The following XKR9 variants were observed in gnomAD, a reference collection of about 807,000 sequenced individuals.
XKR9 encodes the protein XK related 9.
A neutral mutation model predicts 32.0 loss-of-function variants in XKR9; 32 were observed. That is an observed-to-expected ratio of 1.00 (90% confidence interval 0.76 to 1.34). The LOEUF is 1.34. XKR9 is among the 40% of genes most tolerant of loss of function. The pLI is 0.00. For synonymous variants in XKR9, 168 were observed against 143.4 expected, an observed-to-expected ratio of 1.17 and a Z score of -1.22; for missense variants, 546 against 429.7, an observed-to-expected ratio of 1.27 and a Z score of -2.39.
chr8:70,745,976 G>A (rs1807052801), intron 2 of XKR9, among the ~76,000 whole-genome samples: 1 of 152,076 alleles, frequency 6.6e-6, no homozygotes, highest in Admixed American at 6.6e-5. Flanking sequence ...ACATATACAT[G>A]TCTTTGGGGT....
In XKR9 at chr8:70,776,919, T is replaced by TCTCTCTCTCTCTCTC. The variant is rs1466163794; in HGVS notation, n.353-12420_353-12419insCTCTCTCTCTCTCTC. On this transcript the variant is annotated intron_variant and non_coding_transcript_variant, in intron 2 of 3. Coordinates refer to the XKR9 transcript ENST00000520273. ...ACCTTGCATTTAGCAGGTTTTCTCT[T>TCTCTCTCTCTCTCTC]TCTTTCTCTCTCTCTCTCTCTCTCT... Among the ~76,000 whole-genome samples the TCTCTCTCTCTCTCTC allele has an allele frequency of 2.6e-3, 183 of 70,138 alleles. 16 individuals are homozygous for TCTCTCTCTCTCTCTC. The highest frequency in any genetic ancestry group is 3.6e-3 in the Non-Finnish European group (143 of 39,386). The allele number at this position is 70,138 out of a possible 152,430, so 46.0% of individuals were successfully genotyped here. A position where few individuals can be genotyped will look rare whatever the true frequency, so the allele number is the denominator to read the frequency against.
intron 2 of XKR9, among the ~76,000 whole-genome samples, chr8:70,759,901 G>C (rs963497157): frequency 6.6e-6 from 1 of 152,112 alleles, no homozygotes; most frequent in African/African-American, 2.4e-5. Flanking sequence ...CTCTATAAAT[G>C]AATCAAATTT....
chr8:70,837,912 GT>G, the XKR9 span, among the ~76,000 whole-genome samples: 1 of 152,006 alleles, frequency 6.6e-6, no homozygotes, highest in Non-Finnish European at 1.5e-5. Context: ...ATGTTTTGAG[GT>G]TTCTAAACAG....
the XKR9 span, among the ~76,000 whole-genome samples, chr8:70,870,634 T>G: frequency 6.6e-6 from 1 of 152,314 alleles, no homozygotes; most frequent in East Asian, 1.9e-4. Flanking sequence ...GATTCTCAGT[T>G]TACTCACTTG....
chr8:70,973,479 T>A, the XKR9 span, among the ~76,000 whole-genome samples: 1 of 152,200 alleles, frequency 6.6e-6, no homozygotes, highest in Non-Finnish European at 1.5e-5. Context: ...TGATCTTTGT[T>A]ATTTTTTTCT....
chr8:70,724,515 G>A (rs115475621), intron 4 of XKR9, among the ~76,000 whole-genome samples: 3,333 of 152,176 alleles, frequency 0.022, 137 homozygotes, highest in African/African-American at 0.076. Flanking sequence ...CAGGGCCCTG[G>A]TGGTGTAGGC....
At chr8:70,998,815 G>C in the XKR9 span, among the ~76,000 whole-genome samples, 2,576 of 152,282 alleles carry the variant, frequency 0.017, 61 homozygotes, top group African/African-American at 0.059. Flanking sequence ...TTGCTTGTGT[G>C]GTTTGAGAGG....
chr8:70,962,032 A>G, the XKR9 span, among the ~76,000 whole-genome samples: 9 of 152,182 alleles, frequency 5.9e-5, no homozygotes, highest in African/African-American at 2.2e-4. Flanking sequence ...CTGTCATGTT[A>G]TTAATCCCAA....
chr8:70,973,083 G>A, the XKR9 span, among the ~76,000 whole-genome samples: 1 of 152,012 alleles, frequency 6.6e-6, no homozygotes, highest in East Asian at 1.9e-4. Context: ...CTGTGAATCT[G>A]TCTGGTCCTG....
chr8:70,943,490 T>TA, the XKR9 span, among the ~76,000 whole-genome samples: 2 of 152,122 alleles, frequency 1.3e-5, no homozygotes, highest in African/African-American at 4.8e-5. Context: ...AGGTTTTTTT[T>TA]AAAAAAGGTA....
At position 70,692,808 on chromosome 8, in the gene XKR9, G is replaced by A. The variant is rs577865441; in HGVS notation, c.272+11478G>A. On this transcript the variant is annotated intron_variant, in intron 3 of 4. Coordinates refer to ENST00000408926, the MANE Select transcript of XKR9 (RefSeq NM_001011720.2). ...TTGGCCAGGGTGGTCTCAAACTCCC[G>A]ACCTCAGGTGATCTGCCCGCCATAG... Among the ~76,000 whole-genome samples the A allele has an allele frequency of 7.9e-5, 12 of 152,132 alleles. No homozygotes were observed. In the South Asian group the frequency reaches 2.3e-3, roughly 29 times the overall value.
At chr8:70,828,511 G>C in the XKR9 span, among the ~76,000 whole-genome samples, 1 of 151,932 alleles carries the variant, frequency 6.6e-6, no homozygotes, top group South Asian at 2.1e-4. Context: ...GGATCACGAG[G>C]TCAGGAGTTC....
the XKR9 span, among the ~76,000 whole-genome samples, chr8:70,879,023 A>T: frequency 6.6e-6 from 1 of 152,220 alleles, no homozygotes; most frequent in Non-Finnish European, 1.5e-5. Flanking sequence ...GCATAACTAC[A>T]TGGAAACTGA....
At chr8:71,031,192 T>A in the XKR9 span, among the ~76,000 whole-genome samples, 1 of 152,200 alleles carries the variant, frequency 6.6e-6, no homozygotes, top group Non-Finnish European at 1.5e-5. Flanking sequence ...ACTTACTATG[T>A]ATTTCATGTC....
the XKR9 span, among the ~76,000 whole-genome samples, chr8:70,812,057 A>G: frequency 7.9e-5 from 12 of 152,246 alleles, no homozygotes; most frequent in East Asian, 2.3e-3. Context: ...ATACTGGCAA[A>G]CCGAATCCAG....
At chr8:70,960,913 A>G in the XKR9 span, among the ~76,000 whole-genome samples, 7 of 152,000 alleles carry the variant, frequency 4.6e-5, no homozygotes, top group East Asian at 1.4e-3. Flanking sequence ...GGCACCGTGT[A>G]ATCTCCAGCA....
chr8:70,735,078 A>G lies in XKR9; in HGVS notation c.*654A>G, dbSNP rs1033176916. 6.6e-6 allele frequency: 1 copy of G among 152,154 alleles called. No individual in the cohort carries two copies. Among genetic ancestry groups the G allele is most frequent in the Non-Finnish European group, 1.5e-5 (1 of 68,024 alleles). The allele number at this position is 152,154 out of a possible 1,614,324, so 9.4% of individuals were successfully genotyped here. A position where few individuals can be genotyped will look rare whatever the true frequency, so the allele number is the denominator to read the frequency against. On this transcript the variant is annotated 3_prime_UTR_variant, in exon 5 of 5. Transcript: ENST00000408926. ...GCTAGAATAGTTGTATCTAAATCAT[A>G]TTTTAAAATTATTTTTATTTTTAAA...
chr8:70,813,386 G>A, the XKR9 span, among the ~76,000 whole-genome samples: 1 of 152,136 alleles, frequency 6.6e-6, no homozygotes, highest in Non-Finnish European at 1.5e-5. Flanking sequence ...CATGCGCAAG[G>A]TCTTCATGAA....
At chr8:70,849,405 C>A in the XKR9 span, among the ~76,000 whole-genome samples, 2 of 152,162 alleles carry the variant, frequency 1.3e-5, no homozygotes, top group African/African-American at 2.4e-5. Flanking sequence ...TAAATAAGTT[C>A]TTTGAAACCA....
Sources: gnomAD v4.1 joint callset for allele counts (sites outside exome capture counted in the v4.1 genomes callset) on GRCh38, gnomAD v4.1.1 for gene constraint, MANE v1.5 for transcripts, NCBI Gene and HGNC (gene_info 2026-07-23, HGNC 2026-07-21) for gene names.